The following ZNF488 variants were observed in gnomAD, a reference collection of about 807,000 sequenced individuals.
ZNF488 encodes zinc finger protein 488.
Under a neutral mutation model 1.2 loss-of-function variants are expected in ZNF488, and 1 was observed. The ratio of observed to expected loss-of-function variants is 0.86; its 90% CI spans 0.30 to 4.07. ZNF488 has a LOEUF of 4.07. Ranked by LOEUF, ZNF488 falls within the 30% of genes most tolerant of loss-of-function variation. ZNF488 has a pLI of 0.18. For missense variants in ZNF488, 450 were observed against 437.9 expected, an observed-to-expected ratio of 1.03 and a Z score of -0.25; for synonymous variants, 185 against 190.1, an observed-to-expected ratio of 0.97 and a Z score of 0.22.
chr10:47,381,453 C>A (rs566604600), intron 1 of ZNF488, among the ~76,000 whole-genome samples: 70 of 152,390 alleles, frequency 4.6e-4, no homozygotes, highest in African/African-American at 1.6e-3. Context: ...AGGGAATACA[C>A]CTGTTTCCAG....
intron 1 of ZNF488, among the ~76,000 whole-genome samples, chr10:47,375,601 ATTC>A (rs1262584284): frequency 6.6e-6 from 1 of 152,256 alleles, no homozygotes; most frequent in Non-Finnish European, 1.5e-5. Flanking sequence ...CTGAGGGACT[ATTC>A]TTCTAGTATT....
intron 1 of ZNF488, among the ~76,000 whole-genome samples, chr10:47,383,037 G>C (rs1555215729): frequency 6.6e-6 from 1 of 151,912 alleles, no homozygotes; most frequent in Non-Finnish European, 1.5e-5. Context: ...TCTCTGATAA[G>C]ATTACATTGT....
chr10:47,367,895 C>G lies in ZNF488; in HGVS notation c.935G>C (p.Arg312Pro). ...HAGPDPHSQK[R>P]REEALACPVC... ...AGGGCAGGCAAGGGCCTCTTCTCTC[C>G]GCTTCTGAGAATGTGGGTCAGGCCC... The change falls in exon 2 of 2, where the codon CGG (arginine) becomes CCG (proline). Residue 312 changes from arginine (R) to proline (P), a missense_variant. Coordinates refer to ENST00000585316, the MANE Select transcript of ZNF488 (RefSeq NM_153034.4). 1 of 1,614,040 alleles carries G rather than the reference C, an allele frequency of 6.2e-7. No individual in the cohort carries two copies. Among genetic ancestry groups the G allele is most frequent in the Non-Finnish European group, 8.5e-7 (1 of 1,180,032 alleles).
rs782817566 is a variant in ZNF488 at position 47,368,789 on chromosome 10, AG to A, written c.40del (p.Leu14TrpfsTer2). The A allele has an allele frequency of 8.7e-6, 14 of 1,607,198 alleles. No individual in the cohort carries two copies. Among genetic ancestry groups the A allele is most frequent in the Non-Finnish European group, 1.2e-5 (14 of 1,177,066 alleles). On this transcript the variant is annotated frameshift_variant, in exon 2 of 2. Coordinates refer to ENST00000585316, the MANE Select transcript of ZNF488 (RefSeq NM_153034.4). LOFTEE classifies it low-confidence loss of function (END_TRUNC). The part of the protein sequence containing the change: ...WPPCLSVAPA[L>X]VITMAAGKGA... ...CTTCCCAGCTGCCATGGTGATCACC[AG>A]GGCCGGGGCCACAGATAAGCAAGGT...
At chr10:47,384,125 C>G (rs1565791778) in intron 1 of ZNF488, 95 bp downstream of exon 1, 1 of 152,612 alleles carries the variant, frequency 6.6e-6, no homozygotes. Context: ...CTCAACAACC[C>G]TGTCCTGGGG....
At position 47,368,652 on chromosome 10, in the gene ZNF488, C is replaced by A. The variant is rs868980588; in HGVS notation, c.178G>T (p.Ala60Ser). 2 of 1,611,546 alleles carry A rather than the reference C, an allele frequency of 1.2e-6. No homozygotes were observed. Among genetic ancestry groups the A allele is most frequent in the Non-Finnish European group, 8.5e-7 (1 of 1,179,912 alleles). Residue 60 changes from alanine to serine, a missense_variant, in exon 2 of 2, where the codon GCT becomes TCT. Coordinates refer to ENST00000585316, the MANE Select transcript of ZNF488 (RefSeq NM_153034.4). ...LEKTNRLGPEAAVGRAGRDVG... is the reference protein window; with the variant it reads ...LEKTNRLGPESAVGRAGRDVG... Reference sequence around the variant, plus strand: ...TCCCGGCCCGCCCTGCCCACAGCAGCCTCAGGGCCCAGGCGGTTCGTCTTC... The same window carrying A: ...TCCCGGCCCGCCCTGCCCACAGCAGACTCAGGGCCCAGGCGGTTCGTCTTC...
chr10:47,374,606 G>A (rs562471891), intron 1 of ZNF488, among the ~76,000 whole-genome samples: 1 of 152,268 alleles, frequency 6.6e-6, no homozygotes, highest in East Asian at 1.9e-4. Flanking sequence ...CCCTGTGAGA[G>A]CCAGAGACCA....
At position 47,368,421 on chromosome 10, in the gene ZNF488, T is replaced by C; in HGVS notation, c.409A>G (p.Asn137Asp). ...CTGCCAGCTGGGCCTCTGGGGATGT[T>C]CTGGGTCAGCTGTGGGGCACCAGGT... ...GQPGAPQLTQ[N>D]IPRGPAGSKV... Residue 137 changes from asparagine to aspartate, a missense_variant, in exon 2 of 2, where the codon AAC (asparagine) becomes GAC (aspartate). Physicochemically the swap from Asn to Asp is conservative, Grantham distance 23. Transcript: ENST00000585316. 1 of 1,614,164 alleles carries C rather than the reference T, an allele frequency of 6.2e-7. No individual in the cohort carries two copies. The highest frequency in any genetic ancestry group is 1.1e-5 in the South Asian group (1 of 91,080).
At position 47,367,504 on chromosome 10, in the gene ZNF488, G is replaced by A. The variant is rs76139371; in HGVS notation, c.*303C>T. 0.017 allele frequency: 7,179 copies of A among 412,782 alleles called. 89 individuals carry two copies. The highest frequency in any genetic ancestry group is 0.025 in the Non-Finnish European group (5,494 of 223,430). 25.6% of individuals were successfully genotyped at this position (412,782 alleles called of 1,614,324 possible). ...CTAGTATGTGAAAGAGCCCAGATTC[G>A]AATCCAGGCTTGTGTGCCTCCAAAG... On this transcript the variant is annotated 3_prime_UTR_variant, in exon 2 of 2. Transcript: ENST00000585316.
rs1447890981 is a variant in ZNF488, at chr10:47,368,407, G to A, written c.423C>T (p.Gly141=). 3 of 1,614,060 alleles carry A rather than the reference G, an allele frequency of 1.9e-6. No individual in the cohort carries two copies. The highest frequency in any genetic ancestry group is 2.5e-6 in the Non-Finnish European group (3 of 1,180,044). The change falls in exon 2 of 2, where the codon GGC becomes GGT. Residue 141 remains glycine, a synonymous_variant. Coordinates refer to ENST00000585316, the MANE Select transcript of ZNF488 (RefSeq NM_153034.4). ...APQLTQNIPR[G]PAGSKVFSVW... The stretch of plus-strand genomic sequence containing the variant: ...CAGAGAAGACTTTGCTGCCAGCTGG[G>A]CCTCTGGGGATGTTCTGGGTCAGCT...
In ZNF488 at chr10:47,366,077, C is replaced by T. The variant is rs1050290234; in HGVS notation, c.*1730G>A. ...AGGAAACAGCTCTTGCCTTCCAGGG[C>T]TATTGTAGGACTCACTATAACATCT... On this transcript the variant is annotated 3_prime_UTR_variant, in exon 2 of 2. Coordinates refer to ENST00000585316, the MANE Select transcript of ZNF488 (RefSeq NM_153034.4). 5 of 167,010 alleles carry T rather than the reference C, an allele frequency of 3.0e-5. No homozygotes were observed. Among genetic ancestry groups the T allele is most frequent in the African/African-American group, 1.2e-4 (5 of 41,470 alleles). 10.3% of individuals were successfully genotyped at this position (167,010 alleles called of 1,614,324 possible).
chr10:47,367,942 G>A lies in ZNF488; in HGVS notation c.888C>T (p.Ser296=). The A allele has an allele frequency of 6.2e-7, 1 of 1,614,120 alleles. No homozygotes were observed. Among genetic ancestry groups the A allele is most frequent in the African/African-American group, 1.3e-5 (1 of 75,042 alleles). Residue 296 remains serine (S), a synonymous_variant, in exon 2 of 2, where the codon TCC becomes TCT. Transcript: ENST00000585316. The stretch of plus-strand genomic sequence containing the variant: ...GCCCCGCATGCTCCTTTTTGTGGTG[G>A]GATCGCATGTGAAAGACCAGGTCGG... ...LTSDLVFHMR[S]HHKKEHAGPD... is the part of the protein sequence containing the mutation.
chr10:47,373,759 G>A (rs1450190857), intron 1 of ZNF488, among the ~76,000 whole-genome samples: 9 of 152,142 alleles, frequency 5.9e-5, no homozygotes, highest in Non-Finnish European at 7.3e-5. Flanking sequence ...TTCCATAGAC[G>A]GAACATCACT....
chr10:47,368,088 C>T lies in ZNF488; in HGVS notation c.742G>A (p.Val248Met), dbSNP rs1422887788. 3.1e-6 allele frequency: 5 copies of T among 1,614,042 alleles called. No individual in the cohort carries two copies. The East Asian group carries it at 6.7e-5, about 22-fold the overall frequency. Residue 248 changes from valine (V) to methionine (M), a missense_variant, in exon 2 of 2, where the codon GTG (valine) becomes ATG (methionine). Coordinates refer to ENST00000585316, the MANE Select transcript of ZNF488 (RefSeq NM_153034.4). ...TLWLEHTQAQVPPPSSSSTTS... is the reference protein window; with the variant it reads ...TLWLEHTQAQMPPPSSSSTTS... ...GTGGAGGATGATGAGGGTGGGGGCA[C>T]CTGGGCCTGGGTATGCTCCAGCCAC...
In ZNF488 at chr10:47,380,580, T is replaced by C. The variant is rs558818952; in HGVS notation, c.-109+3640A>G. On this transcript the variant is annotated intron_variant, in intron 1 of 1. Transcript: ENST00000585316. ...AGATGAAGCCTCGCCCACCCCACAG[T>C]GTTAAGAGCTTGTGGTTCTCGGTTT... Among the ~76,000 whole-genome samples the C allele has an allele frequency of 2.0e-5, 3 of 151,850 alleles. No individual in the cohort carries two copies. The South Asian group carries it at 6.3e-4, about 32-fold the overall frequency.
chr10:47,366,216 G>A lies in ZNF488; in HGVS notation c.*1591C>T, dbSNP rs1337732976. 1 of 167,168 alleles carries A rather than the reference G, an allele frequency of 6.0e-6. No homozygotes were observed. The highest frequency in any genetic ancestry group is 2.4e-5 in the African/African-American group (1 of 41,460). 10.4% of individuals were successfully genotyped at this position (167,168 alleles called of 1,614,324 possible). On this transcript the variant is annotated 3_prime_UTR_variant, in exon 2 of 2. Coordinates refer to ENST00000585316, the MANE Select transcript of ZNF488 (RefSeq NM_153034.4). The stretch of plus-strand genomic sequence containing the variant: ...GAAGCAGCTGGCAGGTCCTGCTGGG[G>A]TTAGGCCTGTAAGTGTGAAGGGCAG...
intron 1 of ZNF488, among the ~76,000 whole-genome samples, chr10:47,379,948 G>A (rs1251401297): frequency 2.6e-5 from 4 of 152,376 alleles, no homozygotes; most frequent in Admixed American, 6.5e-5. Flanking sequence ...ACCTGCCTGC[G>A]CCCTTTGCAC....
chr10:47,369,770 C>A (rs1294488650), intron 1 of ZNF488, among the ~76,000 whole-genome samples: 1 of 152,180 alleles, frequency 6.6e-6, no homozygotes, highest in Non-Finnish European at 1.5e-5. Flanking sequence ...GAGGCTTGCC[C>A]AGTGCTCTCA....
chr10:47,378,681 G>A (rs1351492634), intron 1 of ZNF488, among the ~76,000 whole-genome samples: 1 of 152,240 alleles, frequency 6.6e-6, no homozygotes, highest in Non-Finnish European at 1.5e-5. Flanking sequence ...CTCATGGAGT[G>A]AAAGCATGGG....
Sources: gnomAD v4.1 joint callset for allele counts (sites outside exome capture counted in the v4.1 genomes callset) on GRCh38, gnomAD v4.1.1 for gene constraint, MANE v1.5 for transcripts, NCBI Gene and HGNC (gene_info 2026-07-23, HGNC 2026-07-21) for gene names.